ARID4B: variants seen among roughly 807,000 people sequenced by gnomAD.
ARID4B encodes AT-rich interaction domain 4B.
A neutral mutation model predicts 147.5 loss-of-function variants in ARID4B; 26 were observed. The ratio of observed to expected loss-of-function variants is 0.18; its 90% confidence interval spans 0.13 to 0.24. ARID4B has a LOEUF of 0.24. Ranked by LOEUF, ARID4B falls within the 10% of genes least tolerant of loss-of-function variation. ARID4B has a pLI of 1.00. For missense variants in ARID4B, 1,179 were observed against 1,511.5 expected (o/e 0.78, Z 3.65); for synonymous variants, 512 against 507.9 (o/e 1.01, Z -0.11).
At chr1:235,175,589 G>A (rs976668498) in intron 21 of ARID4B, 190 bp from the exon 22 acceptor site, 11 of 574,036 alleles carry the variant, frequency 1.9e-5, no homozygotes, top group Non-Finnish European at 3.4e-5. Flanking sequence ...CTTCTTACCT[G>A]AACTGCCAAT....
chr1:235,270,923 T>C (rs546152898), intron 2 of ARID4B, among the ~76,000 whole-genome samples: 2 of 152,314 alleles, frequency 1.3e-5, no homozygotes, highest in South Asian at 4.1e-4. Flanking sequence ...AAACTGGCAT[T>C]GTTATGGTTT....
chr1:235,211,346 G>A (rs1424166464), intron 17 of ARID4B, among the ~76,000 whole-genome samples: 1 of 152,028 alleles, frequency 6.6e-6, no homozygotes, highest in Non-Finnish European at 1.5e-5. Context: ...AGGAGGGAAG[G>A]AGGGAAGGAA....
chr1:235,212,109 A>T (rs1016575573), intron 17 of ARID4B, among the ~76,000 whole-genome samples: 1 of 152,030 alleles, frequency 6.6e-6, no homozygotes, highest in Admixed American at 6.6e-5. Context: ...GCCAGGCACA[A>T]TGGTGGGCGC....
Position 235,179,962 on chromosome 1 carries a change from C to G in ARID4B, c.3334+1623G>C, listed in dbSNP as rs999929678. Among the ~76,000 whole-genome samples, 67 of 151,308 alleles carry G rather than the reference C, an allele frequency of 4.4e-4. 1 individual carries two copies. The highest frequency in any genetic ancestry group is 1.3e-4 in the Admixed American group (2 of 15,218). ...GCACACGCCTGTAGTCCCAGCTACT[C>G]AGCAGGCTGAGGCAGGGGAATCACT... On this transcript the variant is annotated intron_variant, in intron 20 of 23. Coordinates refer to ENST00000264183, the MANE Select transcript of ARID4B (RefSeq NM_016374.6).
At chr1:235,284,903 TA>T (rs1178115831) in intron 2 of ARID4B, among the ~76,000 whole-genome samples, 3 of 133,040 alleles carry the variant, frequency 2.3e-5, no homozygotes, top group Non-Finnish European at 5.1e-5. Flanking sequence ...GCAAACAATA[TA>T]TATATATTTT....
intron 17 of ARID4B, among the ~76,000 whole-genome samples, chr1:235,202,478 C>T (rs952276366): frequency 3.4e-5 from 5 of 149,144 alleles, no homozygotes; most frequent in Non-Finnish European, 5.9e-5. Flanking sequence ...ATAACATATG[C>T]ATGATAAACT....
At chr1:235,173,791 T>A (rs1293657140) in intron 22 of ARID4B, among the ~76,000 whole-genome samples, 4 of 67,774 alleles carry the variant, frequency 5.9e-5, no homozygotes, top group African/African-American at 1.2e-4. Context: ...TATATATATA[T>A]ATATATATAT....
chr1:235,263,669 T>C (rs1363318348), intron 2 of ARID4B, among the ~76,000 whole-genome samples: 2 of 152,056 alleles, frequency 1.3e-5, no homozygotes, highest in Non-Finnish European at 2.9e-5. Context: ...TTACAAGGCA[T>C]ATAAAGAAAA....
chr1:235,292,800 T>C (rs1278131663), intron 2 of ARID4B, among the ~76,000 whole-genome samples: 3 of 152,288 alleles, frequency 2.0e-5, no homozygotes, highest in East Asian at 3.9e-4. Flanking sequence ...TAGATCTACT[T>C]TTATGTAACA....
chr1:235,304,636 T>C (rs1022644618), intron 2 of ARID4B, among the ~76,000 whole-genome samples: 2 of 152,180 alleles, frequency 1.3e-5, no homozygotes, highest in Admixed American at 6.6e-5. Flanking sequence ...ATCCTCATCA[T>C]GCAAAGGTCT....
chr1:235,308,720 G>A (rs1397082902), intron 2 of ARID4B, among the ~76,000 whole-genome samples: 9 of 152,272 alleles, frequency 5.9e-5, no homozygotes, highest in Admixed American at 2.6e-4. Flanking sequence ...CGAGTGATCC[G>A]CCAGCCTCAG....
rs779600822 is a variant in ARID4B, at chr1:235,221,522, G to A, written c.1163+43C>T. 3.5e-5 allele frequency: 40 copies of A among 1,145,986 alleles called. No homozygotes were observed. In the Admixed American group the frequency reaches 7.0e-4, roughly 20 times the overall value. 71.0% of individuals were successfully genotyped at this position (1,145,986 alleles called of 1,614,324 possible). A position where few individuals can be genotyped will look rare whatever the true frequency, so the allele number is the denominator to read the frequency against. On this transcript the variant is annotated intron_variant, in intron 14 of 23. Transcript: ENST00000264183. ...AAGGTAAATTTCATCCTGCTTTCTA[G>A]GTAAAAATACTGAAGATAATCATAT...
chr1:235,241,425 CT>C (rs1668970434), intron 7 of ARID4B, among the ~76,000 whole-genome samples: 2 of 152,132 alleles, frequency 1.3e-5, no homozygotes, highest in Admixed American at 6.5e-5. Context: ...CTAGTATACT[CT>C]GAAGTTGTCT....
rs1668910117 is a variant in ARID4B, at chr1:235,240,429, A to T, written c.469T>A (p.Ser157Thr). The part of the protein sequence containing the change: ...NHIPEEESSS[S>T]SSDEDEDDRK... ...TCATCCTCATCTTCATCACTGGAGGATGATGAAGACTCTTCCTCTGGTCTA... is the reference window on the plus strand; with the variant it reads ...TCATCCTCATCTTCATCACTGGAGGTTGATGAAGACTCTTCCTCTGGTCTA... Residue 157 changes from serine (S) to threonine (T), a missense_variant, in exon 8 of 24, where the codon TCC becomes ACC. This residue lies in a region of ARID4B where 159 missense variants were observed against 190.5 expected (regional missense o/e 0.83). Coordinates refer to ENST00000264183, the MANE Select transcript of ARID4B (RefSeq NM_016374.6). 2 of 1,613,234 alleles carry T rather than the reference A, an allele frequency of 1.2e-6. No individual in the cohort carries two copies. The highest frequency in any genetic ancestry group is 1.7e-6 in the Non-Finnish European group (2 of 1,179,398).
In ARID4B at chr1:235,223,132, G is replaced by A; in HGVS notation, c.1065+34C>T. Reference sequence around the variant, plus strand: ...AGATACCTGAGAAAACATGTTACATGAAAAAGATGTTTCAGTTTGACTACA... The same window carrying A: ...AGATACCTGAGAAAACATGTTACATAAAAAAGATGTTTCAGTTTGACTACA... On this transcript the variant is annotated intron_variant, in intron 13 of 23. Transcript: ENST00000264183. The A allele has an allele frequency of 4.3e-6, 6 of 1,379,856 alleles. No homozygotes were observed. The South Asian group carries it at 7.6e-5, about 17-fold the overall frequency. The allele number at this position is 1,379,856 out of a possible 1,614,324, so 85.5% of individuals were successfully genotyped here.
chr1:235,219,937 G>A lies in ARID4B; in HGVS notation c.1439C>T (p.Pro480Leu), dbSNP rs1409343336. 1 of 1,556,260 alleles carries A rather than the reference G, an allele frequency of 6.4e-7. No homozygotes were observed. The highest frequency in any genetic ancestry group is 1.2e-5 in the South Asian group (1 of 83,158). Residue 480 changes from proline (P) to leucine (L), a missense_variant, in exon 16 of 24, where the codon CCT becomes CTT. Pro to Leu is a moderately conservative substitution (Grantham distance 98). Around this residue, in one of 10 missense-constraint regions of ARID4B, gnomAD observed 204 missense variants for 210.9 expected, o/e 0.97. Transcript: ENST00000264183. ...TTCTTTTTCCTGATCAGAATGTGTA[G>A]GTATAGATTCTAATAAATTCTTTTT... Reference protein sequence around the residue: ...GSKKNLLESIPTHSDQEKEVN... With the variant: ...GSKKNLLESILTHSDQEKEVN...
intron 21 of ARID4B, among the ~76,000 whole-genome samples, chr1:235,176,430 A>T (rs1663871840): frequency 1.4e-5 from 2 of 138,670 alleles, no homozygotes; most frequent in Admixed American, 1.5e-4. Flanking sequence ...TCACTTAACA[A>T]CATCACCAAA....
intron 3 of ARID4B, among the ~76,000 whole-genome samples, chr1:235,259,901 C>A (rs1356203512): frequency 2.6e-5 from 4 of 152,276 alleles, no homozygotes; most frequent in Admixed American, 2.0e-4. Flanking sequence ...ATTATAAATT[C>A]CTTGAGGACA....
At chr1:235,213,548 A>G (rs952790709) in intron 17 of ARID4B, among the ~76,000 whole-genome samples, 12 of 152,174 alleles carry the variant, frequency 7.9e-5, no homozygotes, top group African/African-American at 2.7e-4. Flanking sequence ...TCAAGTGTGT[A>G]GACCTCGGTT....
Sources: allele counts gnomAD v4.1 joint callset (sites outside exome capture counted in the v4.1 genomes callset), GRCh38; gene constraint gnomAD v4.1.1; regional missense constraint gnomAD v4.1.1; transcripts MANE v1.5; gene names NCBI Gene and HGNC (gene_info 2026-07-23, HGNC 2026-07-21).